FHOD3: variants seen among roughly 807,000 people sequenced by gnomAD.
FHOD3 encodes FH1/FH2 domain-containing protein 3.
FHOD3 carries 90 observed loss-of-function variants against 173.0 expected under a neutral mutation model. The ratio of observed to expected loss-of-function variants is 0.52; its 90% CI spans 0.44 to 0.62. The LOEUF is 0.62. FHOD3 is among the 20% of genes least tolerant of loss of function. The probability of loss-of-function intolerance (pLI) is 0.00; values close to 1 mark genes in which losing one functional copy is unlikely to be tolerated. For missense variants in FHOD3, 1,945 were observed against 2,034.7 expected, an observed-to-expected ratio of 0.96 and a Z score of 0.85; for synonymous variants, 828 against 823.0, an observed-to-expected ratio of 1.01 and a Z score of -0.10.
rs73949439 is a variant in FHOD3, at chr18:36,332,362, T to C, written c.166-23177T>C. On this transcript the variant is annotated intron_variant, in intron 1 of 28. Transcript: ENST00000590592. ...TGGCTCTCCTTGCAAGGCTTCTCTT[T>C]AAGGCTTTGCCTTAAGGACAGAGGC... Among the ~76,000 whole-genome samples, 430 of 152,326 alleles carry C rather than the reference T, an allele frequency of 2.8e-3. 3 individuals carry two copies. The highest frequency in any genetic ancestry group is 1.0e-2 in the African/African-American group (414 of 41,574).
At chr18:36,372,602 C>G (rs1324131170) in intron 2 of FHOD3, 78 bp from the exon 3 acceptor site, 4 of 1,240,078 alleles carry the variant, frequency 3.2e-6, no homozygotes, top group Non-Finnish European at 4.7e-6. Flanking sequence ...TATGTCAGAA[C>G]CTTCACGTGG....
At chr18:36,455,725 C>G (rs1276435441) in intron 3 of FHOD3, among the ~76,000 whole-genome samples, 1 of 152,130 alleles carries the variant, frequency 6.6e-6, no homozygotes, top group Non-Finnish European at 1.5e-5. Context: ...AGTTAACCGT[C>G]ATTGGAGCAT....
chr18:36,460,978 T>G (rs1371381030), intron 3 of FHOD3, among the ~76,000 whole-genome samples: 1 of 152,120 alleles, frequency 6.6e-6, no homozygotes, highest in African/African-American at 2.4e-5. Flanking sequence ...GCAGTGGTAA[T>G]TATGGGGGCC....
Position 36,567,224 on chromosome 18 carries a change from A to C in FHOD3, c.512-9227A>C, listed in dbSNP as rs139869308. 3.0e-3 allele frequency among the ~76,000 whole-genome samples: 464 copies of C among 152,330 alleles called. 3 individuals carry two copies. Among genetic ancestry groups the C allele is most frequent in the African/African-American group, 0.011 (449 of 41,568 alleles). ...GTTGTCTGTGAGGCTTCCTTTTAAC[A>C]GTTCATTGCAGTAAAGGGCTACCAG... is the stretch of plus-strand genomic sequence containing the variant. On this transcript the variant is annotated intron_variant, in intron 5 of 28. Transcript: ENST00000590592.
intron 3 of FHOD3, among the ~76,000 whole-genome samples, chr18:36,500,456 G>T (rs77626787): frequency 0.02 from 3,003 of 152,274 alleles, 103 homozygotes; most frequent in African/African-American, 0.068. Context: ...ATGTGGCTCT[G>T]CCCTGTATCC....
intron 1 of FHOD3, among the ~76,000 whole-genome samples, chr18:36,331,049 G>T (rs1210061599): frequency 6.6e-6 from 1 of 152,124 alleles, no homozygotes; most frequent in Non-Finnish European, 1.5e-5. Context: ...GCTTCTGGGC[G>T]CAAATCTCTT....
At chr18:36,697,265 G>A (rs955947955) in intron 17 of FHOD3, among the ~76,000 whole-genome samples, 2 of 152,126 alleles carry the variant, frequency 1.3e-5, no homozygotes, top group African/African-American at 2.4e-5. Context: ...AGGGCATCCC[G>A]GGGTTAAGCT....
At position 36,652,769 on chromosome 18, in the gene FHOD3, G is replaced by T. The variant is rs1000863974; in HGVS notation, c.1486G>T (p.Ala496Ser). The T allele has an allele frequency of 2.0e-6, 3 of 1,535,790 alleles. No homozygotes were observed. Among genetic ancestry groups the T allele is most frequent in the Non-Finnish European group, 2.6e-6 (3 of 1,146,716 alleles). The change falls in exon 12 of 29, where the codon GCT (alanine) becomes TCT (serine). Residue 496 changes from alanine to serine, a missense_variant. By Grantham distance (99) the Ala-to-Ser change is moderately conservative. Around this residue, in one of 5 missense-constraint regions of FHOD3, gnomAD observed 1,099 missense variants for 1,051.2 expected, o/e 1.05. Transcript: ENST00000590592. Reference sequence around the variant, plus strand: ...CCTCCTGTCACCCCCTGCCTCAGCTGCTCGGCCCTCCTCCGCCACACCAGG... The same window carrying T: ...CCTCCTGTCACCCCCTGCCTCAGCTTCTCGGCCCTCCTCCGCCACACCAGG... ...SALLSPPASA[A>S]RPSSATPGSL...
At chr18:36,415,213 A>G (rs890585593) in intron 3 of FHOD3, among the ~76,000 whole-genome samples, 3 of 152,226 alleles carry the variant, frequency 2.0e-5, no homozygotes, top group Non-Finnish European at 2.9e-5. Context: ...AGGTGAGTCC[A>G]CTGCCAGAAT....
intron 3 of FHOD3, among the ~76,000 whole-genome samples, chr18:36,463,437 A>AAAAT (rs1322030703): frequency 3.1e-3 from 13 of 4,168 alleles, no homozygotes; most frequent in African/African-American, 5.4e-3. Flanking sequence ...TTTATTTAAA[A>AAAAT]AATATATTTT....
intron 2 of FHOD3, among the ~76,000 whole-genome samples, chr18:36,356,999 A>G (rs978556786): frequency 6.6e-6 from 1 of 152,112 alleles, no homozygotes; most frequent in African/African-American, 2.4e-5. Flanking sequence ...AGGAAACTTA[A>G]GAGTTTCCCT....
At chr18:36,458,957 T>C (rs73421034) in intron 3 of FHOD3, among the ~76,000 whole-genome samples, 14,926 of 152,222 alleles carry the variant, frequency 0.098, 1,473 homozygotes, top group East Asian at 0.25. Flanking sequence ...TGTTGCCTTT[T>C]GCCATGACCC....
Position 36,625,550 on chromosome 18 carries a change from C to T in FHOD3, c.997C>T (p.Pro333Ser), listed in dbSNP as rs761567244. Residue 333 changes from proline (P) to serine (S), a missense_variant, in exon 10 of 29, where the codon CCA becomes TCA. Transcript: ENST00000590592. ...CGAGGATGGCGATGAGACCACGGAG[C>T]CACCCCCCAGTGGGTGCCGGGACCG... Reference protein sequence around the residue: ...RHEDGDETTEPPPSGCRDRRR... With the variant: ...RHEDGDETTESPPSGCRDRRR... The T allele has an allele frequency of 4.0e-6, 6 of 1,497,356 alleles. No individual in the cohort carries two copies. The highest frequency in any genetic ancestry group is 5.4e-6 in the Non-Finnish European group (6 of 1,112,436). 92.8% of individuals were successfully genotyped at this position (1,497,356 alleles called of 1,614,324 possible).
At chr18:36,589,389 C>T (rs1235294542) in intron 6 of FHOD3, among the ~76,000 whole-genome samples, 1 of 152,162 alleles carries the variant, frequency 6.6e-6, no homozygotes, top group African/African-American at 2.4e-5. Context: ...CAGTGTGTTT[C>T]TCCAGCCCAA....
chr18:36,481,582 C>T (rs891903733), intron 3 of FHOD3, among the ~76,000 whole-genome samples: 2 of 151,920 alleles, frequency 1.3e-5, no homozygotes, highest in African/African-American at 2.4e-5. Flanking sequence ...ATTTGGGTTC[C>T]GTTGGTACCA....
intron 3 of FHOD3, among the ~76,000 whole-genome samples, chr18:36,411,955 A>T (rs1242965197): frequency 6.6e-6 from 1 of 152,186 alleles, no homozygotes; most frequent in African/African-American, 2.4e-5. Flanking sequence ...CTACAACCAG[A>T]TGCTCCTAAA....
intron 24 of FHOD3, among the ~76,000 whole-genome samples, chr18:36,752,942 A>AAT (rs1274021887): frequency 6.6e-6 from 1 of 152,206 alleles, no homozygotes; most frequent in African/African-American, 2.4e-5. Flanking sequence ...GTCCTATCCT[A>AAT]ATATCATATC....
chr18:36,495,764 C>T (rs1401422565), intron 3 of FHOD3, among the ~76,000 whole-genome samples: 1 of 152,186 alleles, frequency 6.6e-6, no homozygotes, highest in Non-Finnish European at 1.5e-5. Flanking sequence ...CACACACCCA[C>T]ATATACACGT....
intron 1 of FHOD3, among the ~76,000 whole-genome samples, chr18:36,319,184 A>G (rs1459655916): frequency 1.3e-5 from 2 of 152,026 alleles, no homozygotes; most frequent in African/African-American, 4.8e-5. Context: ...CTAAAATTGG[A>G]TAAAGAGTCA....
Sources: gnomAD v4.1 joint callset for allele counts (sites outside exome capture counted in the v4.1 genomes callset) on GRCh38, gnomAD v4.1.1 for gene constraint, gnomAD v4.1.1 regional missense constraint, MANE v1.5 for transcripts, NCBI Gene and HGNC (gene_info 2026-07-23, HGNC 2026-07-21) for gene names.